Variants in SDK1 observed in about 807,000 individuals in gnomAD.
SDK1 encodes protein sidekick-1.
A neutral mutation model predicts 245.5 loss-of-function variants in SDK1; 157 were observed. The ratio of observed to expected loss-of-function variants is 0.64; its 90% CI spans 0.56 to 0.73. The LOEUF is 0.73. Among genes scored for constraint, SDK1 ranks in the 30% least tolerant of loss-of-function variants. The pLI, the probability that SDK1 is intolerant of heterozygous loss-of-function variation, is 0.00. For missense variants in SDK1, 3,583 were observed against 3,002.3 expected (o/e 1.19, Z -4.52); for synonymous variants, 1,647 against 1,278.5 (o/e 1.29, Z -6.15).
At chr7:4,127,528 T>C (rs1163167092) in intron 26 of SDK1, 32 bp downstream of exon 26, 2 of 1,509,714 alleles carry the variant, frequency 1.3e-6, no homozygotes, top group South Asian at 2.3e-5. Context: ...TCCCTTTGCT[T>C]AAAGAGTGGG....
chr7:3,425,465 A>T (rs1476534572), intron 1 of SDK1, among the ~76,000 whole-genome samples: 3 of 152,198 alleles, frequency 2.0e-5, no homozygotes, highest in African/African-American at 7.2e-5. Context: ...GAATAACTAA[A>T]ATATAACTTA....
At chr7:3,749,534 C>T (rs970019739) in intron 4 of SDK1, among the ~76,000 whole-genome samples, 11 of 152,090 alleles carry the variant, frequency 7.2e-5, no homozygotes, top group South Asian at 6.2e-4. Context: ...CTCCTGACCT[C>T]GTGATCCGCC....
intron 38 of SDK1, among the ~76,000 whole-genome samples, chr7:4,210,381 C>A (rs1784451235): frequency 6.6e-6 from 1 of 152,202 alleles, no homozygotes; most frequent in Non-Finnish European, 1.5e-5. Context: ...TGAGCCAAGA[C>A]CAGACCTCTG....
intron 35 of SDK1, among the ~76,000 whole-genome samples, chr7:4,184,978 G>T (rs1311201979): frequency 6.6e-6 from 1 of 152,162 alleles, no homozygotes; most frequent in Non-Finnish European, 1.5e-5. Flanking sequence ...TTTCTGCAGT[G>T]GAAGTCCACT....
At chr7:3,557,829 C>G (rs900549080) in intron 1 of SDK1, among the ~76,000 whole-genome samples, 1 of 152,052 alleles carries the variant, frequency 6.6e-6, no homozygotes, top group African/African-American at 2.4e-5. Context: ...CTCCAGAGAC[C>G]TTGTTCTCAT....
rs199544609 is a variant in SDK1 at position 3,344,614 on chromosome 7, AT to A, written c.298+42731del. ...GAAGATACCCCAAAATTTGCAACAA[AT>A]GTTAAAACTGCATTACCATTCTCAG... On this transcript the variant is annotated intron_variant, in intron 1 of 44. Transcript: ENST00000404826. Among the ~76,000 whole-genome samples, 34 of 152,286 alleles carry A rather than the reference AT, an allele frequency of 2.2e-4. 1 individual carries two copies. In the East Asian group the frequency reaches 5.6e-3, roughly 25 times the overall value.
chr7:4,177,873 G>A (rs1207761055), intron 34 of SDK1, among the ~76,000 whole-genome samples: 1 of 152,234 alleles, frequency 6.6e-6, no homozygotes, highest in Admixed American at 6.5e-5. Flanking sequence ...ATCTTGGGGG[G>A]AGGGGAGACA....
intron 4 of SDK1, among the ~76,000 whole-genome samples, chr7:3,691,714 A>C (rs546373656): frequency 1.3e-5 from 2 of 152,204 alleles, no homozygotes; most frequent in Non-Finnish European, 2.9e-5. Context: ...TGGAAGGTCT[A>C]GTTTCAGGTG....
chr7:3,744,284 C>T (rs1384807533), intron 4 of SDK1, among the ~76,000 whole-genome samples: 1 of 152,088 alleles, frequency 6.6e-6, no homozygotes, highest in African/African-American at 2.4e-5. Flanking sequence ...GATACTTTGA[C>T]TTTCTGCATA....
chr7:3,941,960 G>A (rs1457531631), intron 5 of SDK1, among the ~76,000 whole-genome samples: 1 of 148,418 alleles, frequency 6.7e-6, no homozygotes, highest in East Asian at 2.0e-4. Flanking sequence ...CCAAGCTGGA[G>A]TGCAGTGGCG....
At chr7:3,927,003 A>G (rs986845405) in intron 5 of SDK1, among the ~76,000 whole-genome samples, 3 of 152,180 alleles carry the variant, frequency 2.0e-5, no homozygotes, top group Admixed American at 6.5e-5. Context: ...GGGCCCGTCA[A>G]TGCCTCCACC....
intron 5 of SDK1, among the ~76,000 whole-genome samples, chr7:3,937,627 T>C (rs1326288176): frequency 6.6e-6 from 1 of 152,160 alleles, no homozygotes; most frequent in African/African-American, 2.4e-5. Context: ...CTCTCAATGT[T>C]TTGTGTCTCT....
chr7:3,560,079 C>T (rs1779700873), intron 1 of SDK1, among the ~76,000 whole-genome samples: 1 of 152,192 alleles, frequency 6.6e-6, no homozygotes, highest in African/African-American at 2.4e-5. Context: ...GGTGTTTTAT[C>T]TTAATAACCC....
intron 5 of SDK1, among the ~76,000 whole-genome samples, chr7:3,917,335 T>G (rs1253732769): frequency 6.6e-6 from 1 of 152,174 alleles, no homozygotes; most frequent in East Asian, 1.9e-4. Flanking sequence ...ATGAGTGTGA[T>G]GCAGGGGTGG....
intron 4 of SDK1, among the ~76,000 whole-genome samples, chr7:3,709,616 G>C (rs1784983397): frequency 6.6e-6 from 1 of 152,212 alleles, no homozygotes. Flanking sequence ...TTGGAAGAAA[G>C]TTAATGGTGT....
chr7:3,917,939 C>T (rs945189014), intron 5 of SDK1, among the ~76,000 whole-genome samples: 4 of 152,156 alleles, frequency 2.6e-5, no homozygotes, highest in African/African-American at 9.7e-5. Context: ...TGATCAAACC[C>T]TCGGTAAAGC....
intron 43 of SDK1, among the ~76,000 whole-genome samples, chr7:4,243,532 A>G (rs1257051524): frequency 2.6e-4 from 39 of 152,206 alleles, no homozygotes; most frequent in Non-Finnish European, 1.5e-5. Context: ...ATCATGGCGG[A>G]AGGCAAGGAG....
chr7:3,886,333 C>T (rs1252416014), intron 5 of SDK1, among the ~76,000 whole-genome samples: 1 of 152,236 alleles, frequency 6.6e-6, no homozygotes, highest in Non-Finnish European at 1.5e-5. Flanking sequence ...AGATGCCGGA[C>T]ATAGGAAGTC....
intron 1 of SDK1, among the ~76,000 whole-genome samples, chr7:3,613,834 A>G (rs577315560): frequency 2.0e-4 from 30 of 152,310 alleles, no homozygotes; most frequent in Admixed American, 2.6e-4. Flanking sequence ...AGGGAGATGG[A>G]TGGAGCTGGA....
Sources: gnomAD v4.1 joint callset for allele counts (sites outside exome capture counted in the v4.1 genomes callset) on GRCh38, gnomAD v4.1.1 for gene constraint, MANE v1.5 for transcripts, NCBI Gene and HGNC (gene_info 2026-07-23, HGNC 2026-07-21) for gene names.